Variants in TRPM6 observed in about 807,000 individuals in gnomAD.
The protein encoded by TRPM6 is transient receptor potential cation channel subfamily M member 6.
In TRPM6, 111 loss-of-function variants were observed where a neutral mutation model predicts 247.6. The ratio of observed to expected loss-of-function variants is 0.45; its 90% CI spans 0.38 to 0.52. The LOEUF is 0.52. TRPM6 is among the 20% of genes least tolerant of loss of function. The pLI is 0.00. For synonymous variants in TRPM6, 892 were observed against 853.8 expected, an observed-to-expected ratio of 1.04 and a Z score of -0.78; for missense variants, 2,126 against 2,421.5, an observed-to-expected ratio of 0.88 and a Z score of 2.56.
At position 74,762,912 on chromosome 9, in the gene TRPM6, C is replaced by T; in HGVS notation, c.3759G>A (p.Trp1253Ter). ...GAACCTCTGCACAGATGACATTGCT[C>T]CAGCTGTGGGGAAGTTTTTTGCAAG... ...HSTCKKLPHS[W>*]SNVICAEVLG... Residue 1253 changes from tryptophan to a stop codon, truncating the protein, a stop_gained, in exon 26 of 39, where the codon TGG (tryptophan) becomes TGA (stop). Transcript: ENST00000360774. LOFTEE classifies it high-confidence loss of function. 2 of 1,606,888 alleles carry T rather than the reference C, an allele frequency of 1.2e-6. No homozygotes were observed. The highest frequency in any genetic ancestry group is 1.7e-6 in the Non-Finnish European group (2 of 1,175,250).
At chr9:74,872,600 T>TTTTGTGTGTGTGTGTG (rs1554737834) in intron 1 of TRPM6, among the ~76,000 whole-genome samples, 3 of 150,090 alleles carry the variant, frequency 2.0e-5, no homozygotes, top group Non-Finnish European at 4.4e-5. Context: ...CCAGCAAATT[T>TTTTGTGTGTGTGTGTG]TGTGTGTGTG....
chr9:74,805,670 G>A (rs978225777), intron 14 of TRPM6, among the ~76,000 whole-genome samples: 32 of 152,104 alleles, frequency 2.1e-4, no homozygotes, highest in Non-Finnish European at 4.0e-4. Context: ...ACTATACCTG[G>A]GTGACTGTGG....
In TRPM6 at chr9:74,877,931, G is replaced by A. The variant is rs1409030033; in HGVS notation, c.33+9893C>T. Among the ~76,000 whole-genome samples the A allele has an allele frequency of 3.9e-5, 6 of 152,056 alleles. No individual in the cohort carries two copies. The East Asian group carries it at 1.2e-3, about 29-fold the overall frequency. ...TGGCTACATGCACCATGAGGGGCCTGAGGAGAAGCCCACCCTGTCCAACTC... is the reference window on the plus strand; with the variant it reads ...TGGCTACATGCACCATGAGGGGCCTAAGGAGAAGCCCACCCTGTCCAACTC... On this transcript the variant is annotated intron_variant, in intron 1 of 38. Coordinates refer to ENST00000360774, the MANE Select transcript of TRPM6 (RefSeq NM_017662.5).
intron 27 of TRPM6, among the ~76,000 whole-genome samples, chr9:74,761,264 T>C (rs2118835837): frequency 6.6e-6 from 1 of 152,342 alleles, no homozygotes; most frequent in South Asian, 2.1e-4. Context: ...CCTAAGTATT[T>C]ACCAAGGAGA....
At chr9:74,764,068 G>A (rs993233466) in intron 25 of TRPM6, among the ~76,000 whole-genome samples, 2 of 149,082 alleles carry the variant, frequency 1.3e-5, no homozygotes, top group African/African-American at 5.0e-5. Flanking sequence ...AGGTTGCAGT[G>A]AGCCAAGATC....
chr9:74,789,875 C>T (rs1226017699), intron 19 of TRPM6, among the ~76,000 whole-genome samples: 1 of 147,152 alleles, frequency 6.8e-6, no homozygotes, highest in Non-Finnish European at 1.5e-5. Context: ...GCAAGAGCAT[C>T]TCTTGAACCC....
At chr9:74,833,540 C>G (rs1452728476) in intron 6 of TRPM6, among the ~76,000 whole-genome samples, 2 of 152,152 alleles carry the variant, frequency 1.3e-5, no homozygotes, top group African/African-American at 2.4e-5. Flanking sequence ...GTGTTTTACA[C>G]AGAGGAATGG....
At chr9:74,737,486 G>A (rs1325209215) in intron 36 of TRPM6, 1 of 1,248,442 alleles carries the variant, frequency 8.0e-7, no homozygotes, top group African/African-American at 1.5e-5. Context: ...AAAGGCCCAA[G>A]TTGTTTAAAC....
rs758828749 is a variant in TRPM6 at position 74,802,100 on chromosome 9, C to T, written c.1807G>A (p.Gly603Ser). The T allele has an allele frequency of 6.2e-7, 1 of 1,614,144 alleles. No individual in the cohort carries two copies. Among genetic ancestry groups the T allele is most frequent in the East Asian group, 2.2e-5 (1 of 44,874 alleles). ...QNVSDDPEST[G>S]FLYPYNDLLV... ...AGGTCATTGTAAGGGTAAAGAAAGC[C>T]AGTAGACTCAGGGTCATCTGATACA... Residue 603 changes from glycine to serine, a missense_variant, in exon 16 of 39, where the codon GGC (glycine) becomes AGC (serine). This residue lies in a region of TRPM6 where 1,082 missense variants were observed against 1,307.9 expected (regional missense o/e 0.83). Transcript: ENST00000360774.
chr9:74,827,654 G>T, intron 7 of TRPM6, 124 bp downstream of exon 7: 2 of 988,760 alleles, frequency 2.0e-6, no homozygotes, highest in Non-Finnish European at 3.3e-6. Flanking sequence ...GGGGGTGGCT[G>T]AAGAGTATTA....
rs552087371 is a variant in TRPM6, at chr9:74,766,204, C to T, written c.3537-3070G>A. ...ACAGGTAACATGCTACAATAGAAACCTGTTAGACAAACAACGTGGTCACCC... is the reference window on the plus strand; with the variant it reads ...ACAGGTAACATGCTACAATAGAAACTTGTTAGACAAACAACGTGGTCACCC... On this transcript the variant is annotated intron_variant, in intron 25 of 38. Coordinates refer to ENST00000360774, the MANE Select transcript of TRPM6 (RefSeq NM_017662.5). Among the ~76,000 whole-genome samples the T allele has an allele frequency of 1.1e-4, 17 of 152,338 alleles. 1 individual carries two copies. In the East Asian group the frequency reaches 3.1e-3, roughly 28 times the overall value.
intron 1 of TRPM6, among the ~76,000 whole-genome samples, chr9:74,862,271 G>T (rs1402525537): frequency 6.6e-6 from 1 of 152,144 alleles, no homozygotes; most frequent in Non-Finnish European, 1.5e-5. Flanking sequence ...AATGTTTGTT[G>T]GTTCTGATAG....
intron 37 of TRPM6, among the ~76,000 whole-genome samples, chr9:74,731,547 A>G (rs1825521603): frequency 6.6e-6 from 1 of 151,892 alleles, no homozygotes; most frequent in South Asian, 2.1e-4. Context: ...ATACACTTTT[A>G]GATGGGCCTC....
At chr9:74,728,682 A>G (rs1383645313) in intron 37 of TRPM6, among the ~76,000 whole-genome samples, 7 of 152,370 alleles carry the variant, frequency 4.6e-5, no homozygotes, top group Admixed American at 3.3e-4. Flanking sequence ...AGTGACATTC[A>G]TTACCAAATG....
intron 37 of TRPM6, among the ~76,000 whole-genome samples, chr9:74,731,355 A>G (rs959331866): frequency 3.9e-5 from 6 of 152,148 alleles, no homozygotes; most frequent in African/African-American, 1.4e-4. Flanking sequence ...ACTACTGAAG[A>G]AATAATATTC....
chr9:74,726,280 C>A lies in TRPM6; in HGVS notation c.5936-1534G>T, dbSNP rs145671232. 7.6e-3 allele frequency among the ~76,000 whole-genome samples: 1,161 copies of A among 152,226 alleles called. 10 individuals are homozygous for A. The highest frequency in any genetic ancestry group is 0.027 in the African/African-American group (1,112 of 41,536). ...ATCCCAGCACTTTGGGAGACCAAGG[C>A]AGGTGGATAACCTGAGGTCAAGAGT... On this transcript the variant is annotated intron_variant, in intron 38 of 38. Transcript: ENST00000360774.
intron 7 of TRPM6, among the ~76,000 whole-genome samples, chr9:74,825,801 G>A (rs1435232521): frequency 6.6e-6 from 1 of 152,012 alleles, no homozygotes; most frequent in Admixed American, 6.6e-5. Flanking sequence ...GTCAACAGAG[G>A]CAACAGGACA....
chr9:74,762,919 TG>T lies in TRPM6; in HGVS notation c.3751del (p.His1251ThrfsTer12). 6.2e-7 allele frequency: 1 copy of T among 1,605,994 alleles called. No homozygotes were observed. Among genetic ancestry groups the T allele is most frequent in the South Asian group, 1.1e-5 (1 of 90,566 alleles). ...RKHSTCKKLP[H>X]SWSNVICAEV... is the part of the protein sequence containing the mutation. ...TGCACAGATGACATTGCTCCAGCTG[TG>T]GGGAAGTTTTTTGCAAGTAGAATGC... is the stretch of plus-strand genomic sequence containing the variant. On this transcript the variant is annotated frameshift_variant, in exon 26 of 39. Transcript: ENST00000360774. LOFTEE classifies it high-confidence loss of function.
chr9:74,840,316 G>T, intron 4 of TRPM6, 79 bp from the exon 5 acceptor site: 1 of 1,061,490 alleles, frequency 9.4e-7, no homozygotes, highest in South Asian at 1.3e-5. Context: ...GCACACAGCA[G>T]GGCAACTGAA....
Sources: gnomAD v4.1 joint callset for allele counts (sites outside exome capture counted in the v4.1 genomes callset) on GRCh38, gnomAD v4.1.1 for gene constraint, gnomAD v4.1.1 regional missense constraint, MANE v1.5 for transcripts, NCBI Gene and HGNC (gene_info 2026-07-23, HGNC 2026-07-21) for gene names.